Variants in RRP15 observed in about 807,000 individuals in gnomAD.
The protein encoded by RRP15 is RRP15-like protein.
RRP15 carries 18 observed loss-of-function variants against 27.1 expected under a neutral mutation model. The observed-to-expected ratio is 0.66, with a 90% CI of 0.46 to 0.98. RRP15 has a LOEUF of 0.98. Among genes scored for constraint, RRP15 ranks in the 50% least tolerant of loss-of-function variants. The pLI, the probability that RRP15 is intolerant of heterozygous loss-of-function variation, is 0.00. For synonymous variants in RRP15, 107 were observed against 109.4 expected, an observed-to-expected ratio of 0.98 and a Z score of 0.14; for missense variants, 359 against 337.8, an observed-to-expected ratio of 1.06 and a Z score of -0.49.
At chr1:218,291,344 C>A (rs538570370) in intron 1 of RRP15, among the ~76,000 whole-genome samples, 1 of 151,752 alleles carries the variant, frequency 6.6e-6, no homozygotes, top group South Asian at 2.1e-4. Flanking sequence ...ACTTGTGAGG[C>A]TAAGGCATAA....
At chr1:218,301,872 T>G (rs565547700) in intron 1 of RRP15, 1 of 156,440 alleles carries the variant, frequency 6.4e-6, no homozygotes, top group East Asian at 1.9e-4. Context: ...TACCTTTTTC[T>G]TATTAAAGTT....
Position 218,331,094 on chromosome 1 carries a change from C to T in RRP15, c.*3C>T. On this transcript the variant is annotated 3_prime_UTR_variant, in exon 5 of 5. Coordinates refer to ENST00000366932, the MANE Select transcript of RRP15 (RefSeq NM_016052.4). ...CTGCAAGTGACTCTGATACATAAAG[C>T]ATCATAGGAAATACAATTGCAGTCG... 1.2e-6 allele frequency: 2 copies of T among 1,603,092 alleles called. No individual in the cohort carries two copies.
chr1:218,304,939 C>A, intron 2 of RRP15, 89 bp from the exon 3 acceptor site: 2 of 1,206,328 alleles, frequency 1.7e-6, no homozygotes, highest in Non-Finnish European at 2.4e-6. Flanking sequence ...GATTTATTAC[C>A]TTCACCCTTT....
chr1:218,306,536 G>A (rs910286364), intron 3 of RRP15, among the ~76,000 whole-genome samples: 12 of 152,058 alleles, frequency 7.9e-5, no homozygotes, highest in African/African-American at 2.9e-4. Flanking sequence ...CCATATGCAG[G>A]GATGCTCAAG....
At chr1:218,286,897 G>GAC (rs1655556732) in intron 1 of RRP15, among the ~76,000 whole-genome samples, 2 of 151,570 alleles carry the variant, frequency 1.3e-5, no homozygotes, top group African/African-American at 4.9e-5. Flanking sequence ...TTCAAGAAGG[G>GAC]AAGAGTACTA....
intron 4 of RRP15, among the ~76,000 whole-genome samples, chr1:218,325,706 G>A (rs570094363): frequency 1.3e-5 from 2 of 152,036 alleles, no homozygotes; most frequent in African/African-American, 2.4e-5. Context: ...CTGGACACTC[G>A]AGGGCTGGTT....
chr1:218,307,464 A>T lies in RRP15; in HGVS notation c.537A>T (p.Lys179Asn). The change falls in exon 4 of 5, where the codon AAA becomes AAT. Residue 179 changes from lysine (K) to asparagine (N), a missense_variant. Transcript: ENST00000366932. ...GVVQLFNAVQ[K>N]HQKNVDEKVK... ...TGCAATTATTTAATGCTGTTCAGAA[A>T]CATCAAAAGAATGTTGATGAAAAGG... The T allele has an allele frequency of 1.9e-6, 3 of 1,613,922 alleles. No homozygotes were observed. The highest frequency in any genetic ancestry group is 2.2e-5 in the South Asian group (2 of 91,076).
Position 218,331,608 on chromosome 1 carries a change from T to C in RRP15, c.*517T>C, listed in dbSNP as rs1263103215. On this transcript the variant is annotated 3_prime_UTR_variant, in exon 5 of 5. Transcript: ENST00000366932. ...AGATTTTGGGTCGTGATTTTAGTTT[T>C]AGGTAATCTGGAAGATATGATTTAA... 12 of 150,890 alleles carry C rather than the reference T, an allele frequency of 8.0e-5. No individual in the cohort carries two copies. Among genetic ancestry groups the C allele is most frequent in the Admixed American group, 7.9e-4 (12 of 15,110 alleles). 9.3% of individuals were successfully genotyped at this position (150,890 alleles called of 1,614,324 possible). A position where few individuals can be genotyped will look rare whatever the true frequency, so the allele number is the denominator to read the frequency against.
intron 3 of RRP15, among the ~76,000 whole-genome samples, chr1:218,307,137 AT>A (rs1423399133): frequency 6.6e-6 from 1 of 152,196 alleles, no homozygotes; most frequent in Non-Finnish European, 1.5e-5. Context: ...TATTTTTCCA[AT>A]TTACAGATGA....
rs1656442185 is a variant in RRP15, at chr1:218,336,046, T to C, written c.*4955T>C. On this transcript the variant is annotated 3_prime_UTR_variant, in exon 5 of 5. Transcript: ENST00000366932. ...GGTTTATGATGCACCAAAAGGACAT[T>C]TTGAGAACTGCCGGAGCAACAGATA... 2 of 152,182 alleles carry C rather than the reference T, an allele frequency of 1.3e-5. No individual in the cohort carries two copies. Among genetic ancestry groups the C allele is most frequent in the Admixed American group, 1.3e-4 (2 of 15,270 alleles). 9.4% of individuals were successfully genotyped at this position (152,182 alleles called of 1,614,324 possible).
intron 1 of RRP15, among the ~76,000 whole-genome samples, chr1:218,294,242 A>G (rs186116473): frequency 4.7e-4 from 71 of 152,294 alleles, no homozygotes; most frequent in Admixed American, 1.6e-3. Flanking sequence ...CAAGTAATCA[A>G]TTCTGCAGTG....
At position 218,305,122 on chromosome 1, in the gene RRP15, C is replaced by T. The variant is rs765294610; in HGVS notation, c.500C>T (p.Thr167Ile). ...GAGAGAAATCTTCAGAGAATTGCAACAAGGTAAGGTAGTGTTTTTGCCCTT... is the reference window on the plus strand; with the variant it reads ...GAGAGAAATCTTCAGAGAATTGCAATAAGGTAAGGTAGTGTTTTTGCCCTT... Reference protein sequence around the residue: ...ETERNLQRIATRGVVQLFNAV... With the variant: ...ETERNLQRIAIRGVVQLFNAV... The change falls in exon 3 of 5, where the codon ACA becomes ATA. Residue 167 changes from threonine to isoleucine, a missense_variant. Physicochemically the swap from Thr to Ile is moderately conservative, Grantham distance 89. Transcript: ENST00000366932. The T allele has an allele frequency of 6.2e-7, 1 of 1,609,316 alleles. No individual in the cohort carries two copies. The highest frequency in any genetic ancestry group is 1.7e-5 in the Admixed American group (1 of 59,998).
At position 218,332,710 on chromosome 1, in the gene RRP15, T is replaced by C. The variant is rs1490033119; in HGVS notation, c.*1619T>C. Reference sequence around the variant, plus strand: ...GTGGTTAAAACAGCAAAGTACAAGATGCATTTTTGTATTTATTCTAACTTT... The same window carrying C: ...GTGGTTAAAACAGCAAAGTACAAGACGCATTTTTGTATTTATTCTAACTTT... On this transcript the variant is annotated 3_prime_UTR_variant, in exon 5 of 5. Transcript: ENST00000366932. The C allele has an allele frequency of 1.3e-5, 2 of 152,172 alleles. No individual in the cohort carries two copies. Among genetic ancestry groups the C allele is most frequent in the Non-Finnish European group, 2.9e-5 (2 of 68,016 alleles). The allele number at this position is 152,172 out of a possible 1,614,324, so 9.4% of individuals were successfully genotyped here.
At chr1:218,298,324 C>G (rs1218287420) in intron 1 of RRP15, among the ~76,000 whole-genome samples, 1 of 152,112 alleles carries the variant, frequency 6.6e-6, no homozygotes, top group Non-Finnish European at 1.5e-5. Flanking sequence ...TCACCCTTTC[C>G]TCATTGTTTT....
chr1:218,293,115 T>G (rs562187858), intron 1 of RRP15, among the ~76,000 whole-genome samples: 1 of 152,088 alleles, frequency 6.6e-6, no homozygotes, highest in Non-Finnish European at 1.5e-5. Flanking sequence ...AACCTCCAAT[T>G]CCCATGCTCA....
chr1:218,308,319 G>A (rs753157911), intron 4 of RRP15, among the ~76,000 whole-genome samples: 5 of 151,668 alleles, frequency 3.3e-5, no homozygotes, highest in Admixed American at 6.6e-5. Context: ...TGATCCACTC[G>A]CCTCGGCCTT....
At chr1:218,306,970 C>T (rs1055271051) in intron 3 of RRP15, among the ~76,000 whole-genome samples, 2 of 152,130 alleles carry the variant, frequency 1.3e-5, no homozygotes, top group East Asian at 1.9e-4. Context: ...TTGGATGCTG[C>T]AGGTCTTAAT....
chr1:218,288,636 C>T (rs997868506), intron 1 of RRP15, among the ~76,000 whole-genome samples: 6 of 152,214 alleles, frequency 3.9e-5, no homozygotes, highest in African/African-American at 1.4e-4. Flanking sequence ...CTCTTGACCA[C>T]TACCTTAATA....
At chr1:218,313,667 G>A (rs1352673815) in intron 4 of RRP15, among the ~76,000 whole-genome samples, 1 of 152,168 alleles carries the variant, frequency 6.6e-6, no homozygotes, top group Non-Finnish European at 1.5e-5. Context: ...GAATAGCAGA[G>A]TATGGTGAGG....
Sources: gnomAD v4.1 joint callset for allele counts (sites outside exome capture counted in the v4.1 genomes callset) on GRCh38, gnomAD v4.1.1 for gene constraint, MANE v1.5 for transcripts, NCBI Gene and HGNC (gene_info 2026-07-23, HGNC 2026-07-21) for gene names.